Variants in COL28A1 observed in about 807,000 individuals in gnomAD.
COL28A1 encodes collagen type XXVIII alpha 1 chain, also known as collagen alpha-1(XXVIII) chain.
A neutral mutation model predicts 150.2 loss-of-function variants in COL28A1; 161 were observed. That is an observed-to-expected ratio of 1.07 (90% CI 0.94 to 1.22). COL28A1 has a LOEUF of 1.22. Ranked by LOEUF, COL28A1 falls within the 50% of genes most tolerant of loss-of-function variation. The pLI is 0.00. For synonymous variants in COL28A1, 552 were observed against 469.7 expected (o/e 1.18, Z -2.26); for missense variants, 1,617 against 1,388.3 (o/e 1.16, Z -2.62).
chr7:7,398,856 A>C (rs1019107312), intron 27 of COL28A1, among the ~76,000 whole-genome samples: 1 of 152,086 alleles, frequency 6.6e-6, no homozygotes, highest in African/African-American at 2.4e-5. Flanking sequence ...CTGAGTGTTT[A>C]GTGGTTTGTG....
chr7:7,522,764 G>A (rs1424829888), intron 4 of COL28A1, among the ~76,000 whole-genome samples: 1 of 126,534 alleles, frequency 7.9e-6, no homozygotes, highest in African/African-American at 3.2e-5. Context: ...AATTGCCTTG[G>A]GCCACGCATA....
At chr7:7,493,151 GC>G (rs1780019838) in intron 11 of COL28A1, among the ~76,000 whole-genome samples, 1 of 150,952 alleles carries the variant, frequency 6.6e-6, no homozygotes, top group African/African-American at 2.4e-5. Flanking sequence ...ACAATACAAG[GC>G]CCTAAATTCA....
At chr7:7,521,640 T>C (rs1280235569) in intron 5 of COL28A1, among the ~76,000 whole-genome samples, 1 of 152,246 alleles carries the variant, frequency 6.6e-6, no homozygotes, top group Non-Finnish European at 1.5e-5. Flanking sequence ...TCAATTATTT[T>C]ATGAGGAGGA....
intron 13 of COL28A1, among the ~76,000 whole-genome samples, chr7:7,485,247 ATG>A (rs1156430027): frequency 6.6e-6 from 1 of 152,154 alleles, no homozygotes; most frequent in Non-Finnish European, 1.5e-5. Context: ...CAAGTTGTGC[ATG>A]TGTGTGTATA....
At chr7:7,400,978 GT>G (rs1428351406) in intron 27 of COL28A1, among the ~76,000 whole-genome samples, 3,313 of 81,256 alleles carry the variant, frequency 0.041, 93 homozygotes, top group African/African-American at 0.082. Flanking sequence ...GTATTTGGGT[GT>G]GTGTGTGTGT....
chr7:7,504,331 T>C (rs577710893), intron 11 of COL28A1, among the ~76,000 whole-genome samples: 1 of 151,244 alleles, frequency 6.6e-6, no homozygotes, highest in African/African-American at 2.4e-5. Flanking sequence ...AGCCCATCTC[T>C]ACAAAAAAAA....
At chr7:7,349,546 T>C in the COL28A1 span, among the ~76,000 whole-genome samples, 3 of 152,146 alleles carry the variant, frequency 2.0e-5, no homozygotes, top group African/African-American at 7.2e-5. Context: ...GAATTCTAGC[T>C]GCCTTAGTCT....
chr7:7,451,685 C>G (rs541991894), intron 18 of COL28A1, among the ~76,000 whole-genome samples: 1 of 151,910 alleles, frequency 6.6e-6, no homozygotes, highest in South Asian at 2.1e-4. Flanking sequence ...CATACATACA[C>G]AGAGGCATAT....
intron 8 of COL28A1, among the ~76,000 whole-genome samples, chr7:7,514,682 A>T (rs904142042): frequency 6.6e-6 from 1 of 152,206 alleles, no homozygotes; most frequent in African/African-American, 2.4e-5. Flanking sequence ...CAAAAGGGAT[A>T]AAGAATTAAA....
intron 22 of COL28A1, among the ~76,000 whole-genome samples, chr7:7,436,836 T>C (rs1216352222): frequency 6.6e-6 from 1 of 152,090 alleles, no homozygotes; most frequent in Non-Finnish European, 1.5e-5. Context: ...ATCCAGGAGT[T>C]CAAGATGAGC....
intron 1 of COL28A1, 98 bp from the exon 2 acceptor site, chr7:7,533,010 G>A: frequency 8.2e-7 from 1 of 1,216,534 alleles, no homozygotes; most frequent in Non-Finnish European, 1.1e-6. Context: ...CATGTGACTG[G>A]AAAAAAGAGG....
intron 5 of COL28A1, among the ~76,000 whole-genome samples, chr7:7,521,541 T>G (rs145452735): frequency 8.1e-4 from 124 of 152,362 alleles, no homozygotes; most frequent in African/African-American, 3.0e-3. Flanking sequence ...TTGTACTCCA[T>G]GTTTCTAGTA....
chr7:7,418,046 G>A lies in COL28A1; in HGVS notation c.2068-119C>T, dbSNP rs1224820005. ...TCAGTCTGACCAGGACTTTCATGCTGCCTATAAGCTACTTCCTATTTTACT... is the reference window on the plus strand; with the variant it reads ...TCAGTCTGACCAGGACTTTCATGCTACCTATAAGCTACTTCCTATTTTACT... On this transcript the variant is annotated intron_variant, in intron 26 of 34. Coordinates refer to ENST00000399429, the MANE Select transcript of COL28A1 (RefSeq NM_001037763.3). The A allele has an allele frequency of 1.3e-5, 9 of 695,140 alleles. No homozygotes were observed. In the African/African-American group the frequency reaches 1.5e-4, roughly 11 times the overall value. The allele number at this position is 695,140 out of a possible 1,614,324, so 43.1% of individuals were successfully genotyped here.
In COL28A1 at chr7:7,437,401, C is replaced by T. The variant is rs751481113; in HGVS notation, c.1784G>A (p.Gly595Glu). 2 of 1,613,116 alleles carry T rather than the reference C, an allele frequency of 1.2e-6. No individual in the cohort carries two copies. ...ATCTCCAAGAATATATACCTTTGGC[C>T]CAGGTGGTCCAGGAATTGATGTTCC... ...MPGTSIPGPP[G>E]PKGDRGGPGI... Residue 595 changes from glycine (G) to glutamate (E), a missense_variant, in exon 22 of 35, where the codon GGG (glycine) becomes GAG (glutamate). Coordinates refer to ENST00000399429, the MANE Select transcript of COL28A1 (RefSeq NM_001037763.3).
In COL28A1 at chr7:7,453,435, G is replaced by C; in HGVS notation, c.1440+5C>G. The C allele has an allele frequency of 8.7e-7, 1 of 1,152,592 alleles. No individual in the cohort carries two copies. Among genetic ancestry groups the C allele is most frequent in the South Asian group, 1.2e-5 (1 of 81,934 alleles). The allele number at this position is 1,152,592 out of a possible 1,614,324, so 71.4% of individuals were successfully genotyped here. Reference sequence around the variant, plus strand: ...ATTAAACTCCGCTCTCATTTACAAAGTTACCTTGGAACCAGGTAAGCCCTG... The same window carrying C: ...ATTAAACTCCGCTCTCATTTACAAACTTACCTTGGAACCAGGTAAGCCCTG... On this transcript the variant is annotated splice_donor_5th_base_variant and intron_variant, in intron 17 of 34. Transcript: ENST00000399429.
chr7:7,537,220 G>C (rs1310155217), upstream of COL28A1, among the ~76,000 whole-genome samples: 1 of 152,212 alleles, frequency 6.6e-6, no homozygotes, highest in East Asian at 1.9e-4. Context: ...GCCCTGGACA[G>C]GATGCAGTAC....
chr7:7,374,038 A>ATATATATATATATAT (rs1554260692), intron 31 of COL28A1, among the ~76,000 whole-genome samples: 5 of 113,628 alleles, frequency 4.4e-5, no homozygotes, highest in African/African-American at 1.5e-4. Context: ...AAAAAAAAAA[A>ATATATATATATATAT]ATATATATAT....
At chr7:7,502,398 A>AT (rs1780584012) in intron 11 of COL28A1, among the ~76,000 whole-genome samples, 1 of 152,098 alleles carries the variant, frequency 6.6e-6, no homozygotes, top group South Asian at 2.1e-4. Flanking sequence ...CCAGGAGCAC[A>AT]TTTTTTCCTG....
intron 33 of COL28A1, among the ~76,000 whole-genome samples, chr7:7,366,970 G>A (rs1178491662): frequency 6.6e-5 from 10 of 152,100 alleles, no homozygotes; most frequent in South Asian, 6.2e-4. Flanking sequence ...CTATGTGTGT[G>A]TGTGTGCGCG....
Sources: gnomAD v4.1 joint callset for allele counts (sites outside exome capture counted in the v4.1 genomes callset) on GRCh38, gnomAD v4.1.1 for gene constraint, MANE v1.5 for transcripts, NCBI Gene and HGNC (gene_info 2026-07-23, HGNC 2026-07-21) for gene names.